The following ADAM2 variants were observed in gnomAD, a reference collection of about 807,000 sequenced individuals.
The protein encoded by ADAM2 is disintegrin and metalloproteinase domain-containing protein 2.
Under a neutral mutation model 99.3 loss-of-function variants are expected in ADAM2, and 101 were observed. The ratio of observed to expected loss-of-function variants is 1.02; its 90% CI spans 0.87 to 1.20. The LOEUF (loss-of-function observed/expected upper bound fraction) is 1.20. Among genes scored for constraint, ADAM2 ranks in the 50% most tolerant of loss-of-function variants. The pLI, the probability that ADAM2 is intolerant of heterozygous loss-of-function variation, is 0.00. For synonymous variants in ADAM2, 323 were observed against 287.6 expected (o/e 1.12, Z -1.25); for missense variants, 948 against 878.7 (o/e 1.08, Z -1.00).
chr8:39,748,883 A>T (rs1329930363), intron 18 of ADAM2, among the ~76,000 whole-genome samples: 3 of 152,032 alleles, frequency 2.0e-5, no homozygotes, highest in Non-Finnish European at 2.9e-5. Flanking sequence ...CCTGCTATAC[A>T]TCCCTGACCA....
chr8:39,761,061 A>C, intron 15 of ADAM2, 115 bp downstream of exon 15: 1 of 528,134 alleles, frequency 1.9e-6, no homozygotes, highest in Non-Finnish European at 3.2e-6. Context: ...TTGAATAAAC[A>C]TGGTCTTACT....
intron 7 of ADAM2, among the ~76,000 whole-genome samples, chr8:39,794,051 A>C (rs1179651141): frequency 6.6e-6 from 1 of 152,192 alleles, no homozygotes; most frequent in Non-Finnish European, 1.5e-5. Flanking sequence ...ATTAGCTACA[A>C]ATATAATTCT....
intron 6 of ADAM2, among the ~76,000 whole-genome samples, chr8:39,814,711 A>ATG (rs1491409107): frequency 6.6e-6 from 1 of 152,010 alleles, no homozygotes; most frequent in Non-Finnish European, 1.5e-5. Context: ...GCGGGTGTCC[A>ATG]TGTGTGTGTG....
chr8:39,768,236 A>G (rs1030699967), intron 12 of ADAM2, among the ~76,000 whole-genome samples: 5 of 152,186 alleles, frequency 3.3e-5, no homozygotes, highest in African/African-American at 4.8e-5. Context: ...ATTCAAACCC[A>G]ACCAAGCAAA....
At chr8:39,744,742 G>A (rs748253345) in intron 20 of ADAM2, 88 bp downstream of exon 20, 9 of 816,292 alleles carry the variant, frequency 1.1e-5, no homozygotes, top group African/African-American at 1.7e-5. Context: ...CATGGCACAT[G>A]TATACCTATG....
chr8:39,749,564 G>GGTGTGT (rs368362038), intron 17 of ADAM2, 103 bp downstream of exon 17: 9 of 1,166,912 alleles, frequency 7.7e-6, no homozygotes, highest in East Asian at 2.9e-5. Flanking sequence ...TATATGTTTT[G>GGTGTGT]GTGTGTGTGT....
At chr8:39,805,401 C>T (rs1804396213) in intron 7 of ADAM2, among the ~76,000 whole-genome samples, 1 of 152,118 alleles carries the variant, frequency 6.6e-6, no homozygotes, top group Admixed American at 6.5e-5. Flanking sequence ...TAGAAATAAA[C>T]TTGGAAAATG....
chr8:39,788,210 C>T lies in ADAM2; in HGVS notation c.684G>A (p.Leu228=). The change falls in exon 9 of 21, where the codon TTG becomes TTA. Residue 228 remains leucine, a synonymous_variant. Transcript: ENST00000265708. ...TTTTATTTTCATCTATCCAAAGCTC[C>T]AATGAAGACAGAATAATTGTAATAT... ...SFNITIILSS[L]ELWIDENKIA... is the part of the protein sequence containing the mutation. The T allele has an allele frequency of 1.3e-6, 2 of 1,557,870 alleles. No individual in the cohort carries two copies. The highest frequency in any genetic ancestry group is 1.2e-5 in the South Asian group (1 of 84,518).
intron 6 of ADAM2, 56 bp from the exon 7 acceptor site, chr8:39,809,522 G>A: frequency 1.2e-6 from 1 of 801,840 alleles, no homozygotes. Flanking sequence ...AGTATTTTTA[G>A]TGCATGTCAC....
chr8:39,752,282 A>C (rs1334741590), intron 16 of ADAM2, among the ~76,000 whole-genome samples: 3 of 152,210 alleles, frequency 2.0e-5, no homozygotes, highest in Non-Finnish European at 2.9e-5. Context: ...GAGGTACATC[A>C]GAAAAACGGT....
At chr8:39,806,460 TAA>T (rs201106342) in intron 7 of ADAM2, among the ~76,000 whole-genome samples, 1 of 147,538 alleles carries the variant, frequency 6.8e-6, no homozygotes, top group Non-Finnish European at 1.5e-5. Context: ...TGACACATAA[TAA>T]AAAAAAAGTT....
chr8:39,761,153 A>C (rs1282912100), intron 15 of ADAM2, 23 bp downstream of exon 15: 8 of 1,442,814 alleles, frequency 5.5e-6, no homozygotes, highest in Non-Finnish European at 6.6e-6. Flanking sequence ...TAGAAGTTCT[A>C]AGACAGATTT....
intron 7 of ADAM2, 146 bp downstream of exon 7, chr8:39,809,264 A>T: frequency 1.9e-6 from 1 of 533,056 alleles, no homozygotes; most frequent in East Asian, 3.4e-5. Flanking sequence ...TTCTCAATTT[A>T]CTACTGATAT....
intron 7 of ADAM2, among the ~76,000 whole-genome samples, chr8:39,801,975 C>T (rs914674600): frequency 1.3e-5 from 2 of 152,102 alleles, no homozygotes; most frequent in Admixed American, 6.5e-5. Context: ...GCCCCTCCCC[C>T]AAGGAGCTCA....
intron 10 of ADAM2, among the ~76,000 whole-genome samples, chr8:39,785,796 T>TAAAAAAAAA (rs58429092): frequency 1.6e-5 from 2 of 122,492 alleles, no homozygotes; most frequent in Admixed American, 8.2e-5. Context: ...CTGTCTCAAA[T>TAAAAAAAAA]AAAAAAAAAA....
At position 39,761,346 on chromosome 8, in the gene ADAM2, C is replaced by A. The variant is rs10097616; in HGVS notation, c.1508-65G>T. On this transcript the variant is annotated intron_variant, in intron 14 of 20. Transcript: ENST00000265708. ...ATTAATTAAAAATAAATAACAAATA[C>A]ACTTAAAATTCTGAAAGGGTTTAAG... 3 of 847,388 alleles carry A rather than the reference C, an allele frequency of 3.5e-6. No homozygotes were observed. In the South Asian group the frequency reaches 7.3e-5, roughly 20 times the overall value. 52.5% of individuals were successfully genotyped at this position (847,388 alleles called of 1,614,324 possible).
chr8:39,744,052 T>A lies in ADAM2; in HGVS notation c.*43A>T, dbSNP rs1823345563. On this transcript the variant is annotated 3_prime_UTR_variant, in exon 21 of 21. Coordinates refer to ENST00000265708, the MANE Select transcript of ADAM2 (RefSeq NM_001464.5). ...TTTTGTGTCCATCCATCACAGATAATTACTCTAGAAGACTGAATAAATGAA... is the reference window on the plus strand; with the variant it reads ...TTTTGTGTCCATCCATCACAGATAAATACTCTAGAAGACTGAATAAATGAA... 6.7e-6 allele frequency: 1 copy of A among 149,980 alleles called. No individual in the cohort carries two copies. The highest frequency in any genetic ancestry group is 6.7e-5 in the Admixed American group (1 of 14,834). The allele number at this position is 149,980 out of a possible 1,614,324, so 9.3% of individuals were successfully genotyped here.
At chr8:39,785,796 T>TAAAAAAAAAAA (rs58429092) in intron 10 of ADAM2, among the ~76,000 whole-genome samples, 4 of 122,498 alleles carry the variant, frequency 3.3e-5, no homozygotes. Context: ...CTGTCTCAAA[T>TAAAAAAAAAAA]AAAAAAAAAA....
At chr8:39,805,154 C>T (rs1279967522) in intron 7 of ADAM2, among the ~76,000 whole-genome samples, 1 of 152,132 alleles carries the variant, frequency 6.6e-6, no homozygotes, top group Non-Finnish European at 1.5e-5. Flanking sequence ...TTTACAAGGA[C>T]ATCAATCCCA....
Sources: gnomAD v4.1 joint callset for allele counts (sites outside exome capture counted in the v4.1 genomes callset) on GRCh38, gnomAD v4.1.1 for gene constraint, MANE v1.5 for transcripts, NCBI Gene and HGNC (gene_info 2026-07-23, HGNC 2026-07-21) for gene names.